Variants in BCKDHB observed in about 807,000 individuals in gnomAD.
BCKDHB encodes the protein branched chain keto acid dehydrogenase E1 subunit beta, also known as 2-oxoisovalerate dehydrogenase subunit beta, mitochondrial.
Under a neutral mutation model 48.5 loss-of-function variants are expected in BCKDHB, and 41 were observed. The observed-to-expected ratio is 0.85, with a 90% CI of 0.66 to 1.10. The LOEUF is 1.10. BCKDHB is among the 50% of genes least tolerant of loss of function. The probability of loss-of-function intolerance (pLI) is 0.00; values close to 1 mark genes in which losing one functional copy is unlikely to be tolerated. For missense variants in BCKDHB, 496 were observed against 494.2 expected, an observed-to-expected ratio of 1.00 and a Z score of -0.03; for synonymous variants, 201 against 174.8, an observed-to-expected ratio of 1.15 and a Z score of -1.18.
the BCKDHB span, chr6:80,373,872 C>T: frequency 2.7e-6 from 1 of 366,322 alleles, no homozygotes; most frequent in South Asian, 2.2e-5. Flanking sequence ...TTTTTCTACC[C>T]CTTTACCTTA....
intron 3 of BCKDHB, among the ~76,000 whole-genome samples, chr6:80,147,782 C>G (rs902132006): frequency 2.6e-5 from 4 of 152,276 alleles, no homozygotes; most frequent in East Asian, 1.9e-4. Flanking sequence ...GAAGCAGCAG[C>G]TGCTGCAGGT....
At chr6:80,309,293 G>C (rs1768039610) in intron 9 of BCKDHB, among the ~76,000 whole-genome samples, 1 of 151,832 alleles carries the variant, frequency 6.6e-6, no homozygotes, top group East Asian at 2.0e-4. Flanking sequence ...TTGGACTCCT[G>C]ACCTCAGGTG....
At chr6:80,413,608 T>C in the BCKDHB span, among the ~76,000 whole-genome samples, 1 of 152,198 alleles carries the variant, frequency 6.6e-6, no homozygotes, top group African/African-American at 2.4e-5. Context: ...ACTACATTCA[T>C]GTTTCTGCAA....
chr6:80,429,991 G>A, the BCKDHB span, among the ~76,000 whole-genome samples: 1 of 152,174 alleles, frequency 6.6e-6, no homozygotes, highest in Non-Finnish European at 1.5e-5. Context: ...GTATGCTATT[G>A]GCTGTGGGTT....
chr6:80,193,258 TTC>T (rs780957351), intron 6 of BCKDHB, among the ~76,000 whole-genome samples: 4 of 152,220 alleles, frequency 2.6e-5, no homozygotes, highest in Admixed American at 6.5e-5. Flanking sequence ...GTCCAAGACT[TTC>T]TGTTTCAAGT....
At chr6:80,318,197 A>T (rs1044704369) in intron 9 of BCKDHB, among the ~76,000 whole-genome samples, 5 of 152,238 alleles carry the variant, frequency 3.3e-5, no homozygotes, top group Admixed American at 3.3e-4. Context: ...TATTCAATTA[A>T]TCATTCAAAT....
chr6:80,306,508 T>C (rs1213675910), intron 9 of BCKDHB, among the ~76,000 whole-genome samples: 2 of 152,190 alleles, frequency 1.3e-5, no homozygotes, highest in Non-Finnish European at 2.9e-5. Context: ...GGATTTTCTC[T>C]GAGATTGATG....
chr6:80,288,370 A>G (rs956239141), intron 9 of BCKDHB, among the ~76,000 whole-genome samples: 3 of 152,160 alleles, frequency 2.0e-5, no homozygotes, highest in African/African-American at 7.2e-5. Context: ...ATTAAATCAT[A>G]TTGTTAAAGG....
chr6:80,217,140 G>A (rs1417757903), intron 8 of BCKDHB, among the ~76,000 whole-genome samples: 2 of 152,122 alleles, frequency 1.3e-5, no homozygotes, highest in South Asian at 2.1e-4. Flanking sequence ...TACTCGGGAG[G>A]CTGGGGCAGA....
chr6:80,275,068 A>G (rs1282317617), intron 9 of BCKDHB, among the ~76,000 whole-genome samples: 1 of 152,038 alleles, frequency 6.6e-6, no homozygotes, highest in African/African-American at 2.4e-5. Flanking sequence ...TCGTATTTAT[A>G]TAATAATATG....
intron 9 of BCKDHB, among the ~76,000 whole-genome samples, chr6:80,328,180 G>A (rs899174099): frequency 2.6e-5 from 4 of 152,118 alleles, no homozygotes; most frequent in African/African-American, 9.7e-5. Context: ...GATTTTGCAG[G>A]TAAACTTTGA....
chr6:80,430,325 T>A, the BCKDHB span, among the ~76,000 whole-genome samples: 2 of 152,172 alleles, frequency 1.3e-5, no homozygotes, highest in African/African-American at 4.8e-5. Flanking sequence ...CCTAAAATTT[T>A]CTTTTTTGTT....
intron 1 of BCKDHB, among the ~76,000 whole-genome samples, chr6:80,117,363 A>G (rs1769759325): frequency 6.6e-6 from 1 of 152,220 alleles, no homozygotes; most frequent in Admixed American, 6.5e-5. Flanking sequence ...CTCCCTACTA[A>G]TAACTTGCTG....
At chr6:80,390,581 A>G in the BCKDHB span, among the ~76,000 whole-genome samples, 1 of 152,164 alleles carries the variant, frequency 6.6e-6, no homozygotes, top group African/African-American at 2.4e-5. Flanking sequence ...ACTTCATTTC[A>G]GCATTTGAGT....
intron 6 of BCKDHB, among the ~76,000 whole-genome samples, chr6:80,175,096 CCT>C (rs1050641887): frequency 2.6e-5 from 4 of 152,146 alleles, no homozygotes; most frequent in African/African-American, 9.7e-5. Context: ...AGGTACCGGG[CCT>C]CTTCTCTCTG....
At chr6:80,442,795 G>T in the BCKDHB span, among the ~76,000 whole-genome samples, 3 of 152,152 alleles carry the variant, frequency 2.0e-5, no homozygotes, top group East Asian at 5.8e-4. Flanking sequence ...ATTCTAAAAG[G>T]ATATAACTTG....
intron 8 of BCKDHB, among the ~76,000 whole-genome samples, chr6:80,239,051 C>CA (rs1455585719): frequency 6.6e-6 from 1 of 152,168 alleles, no homozygotes; most frequent in Non-Finnish European, 1.5e-5. Flanking sequence ...AATAATGCTG[C>CA]AATGAACATA....
At chr6:80,141,471 C>A (rs1562081915) in intron 3 of BCKDHB, among the ~76,000 whole-genome samples, 1 of 152,226 alleles carries the variant, frequency 6.6e-6, no homozygotes, top group East Asian at 1.9e-4. Context: ...CCATTGTTTT[C>A]AATTTAATTG....
At chr6:80,380,301 T>A in the BCKDHB span, among the ~76,000 whole-genome samples, 1 of 151,988 alleles carries the variant, frequency 6.6e-6, no homozygotes, top group Admixed American at 6.6e-5. Flanking sequence ...AACCAATGGA[T>A]CTTTGATAAA....
Sources: gnomAD v4.1 joint callset for allele counts (sites outside exome capture counted in the v4.1 genomes callset) on GRCh38, gnomAD v4.1.1 for gene constraint, MANE v1.5 for transcripts, NCBI Gene and HGNC (gene_info 2026-07-23, HGNC 2026-07-21) for gene names.